Variants in NUP93 observed in about 807,000 individuals in gnomAD.
The protein encoded by NUP93 is nucleoporin 93, also known as nuclear pore complex protein Nup93.
NUP93 carries 55 observed loss-of-function variants against 107.8 expected under a neutral mutation model. The observed-to-expected ratio is 0.51, with a 90% CI of 0.41 to 0.64. NUP93 has a LOEUF of 0.64. Ranked by LOEUF, NUP93 falls within the 30% of genes least tolerant of loss-of-function variation. The pLI is 0.00. For synonymous variants in NUP93, 390 were observed against 397.5 expected (o/e 0.98, Z 0.22); for missense variants, 937 against 1,044.7 (o/e 0.90, Z 1.42).
intron 3 of NUP93, among the ~76,000 whole-genome samples, chr16:56,786,879 T>C (rs753130646): frequency 3.3e-5 from 5 of 152,232 alleles, no homozygotes; most frequent in Non-Finnish European, 7.3e-5. Flanking sequence ...AGGTTTTAGC[T>C]CGCTGTCAGT....
chr16:56,755,483 A>T (rs1962001993), intron 2 of NUP93, among the ~76,000 whole-genome samples: 1 of 150,786 alleles, frequency 6.6e-6, no homozygotes, highest in Admixed American at 6.6e-5. Context: ...GGAAATGGGG[A>T]ATCACCACCT....
chr16:56,781,846 G>C, intron 3 of NUP93: 2 of 985,266 alleles, frequency 2.0e-6, no homozygotes, highest in South Asian at 9.4e-5. Context: ...CCATCAGTTT[G>C]TGCTTTCAAA....
chr16:56,830,737 G>T (rs367822016), intron 10 of NUP93, 52 bp downstream of exon 10: 2 of 1,416,518 alleles, frequency 1.4e-6, no homozygotes, highest in Non-Finnish European at 1.9e-6. Flanking sequence ...AATCAAAGGG[G>T]CATCCTTCAC....
intron 5 of NUP93, among the ~76,000 whole-genome samples, chr16:56,811,777 T>C (rs1963320968): frequency 6.6e-6 from 1 of 152,164 alleles, no homozygotes; most frequent in African/African-American, 2.4e-5. Flanking sequence ...GGCCATGAAA[T>C]GTCTTCCTTA....
intron 1 of NUP93, among the ~76,000 whole-genome samples, chr16:56,745,775 ATGT>A (rs1330189480): frequency 8.5e-5 from 13 of 152,192 alleles, no homozygotes; most frequent in African/African-American, 2.9e-4. Flanking sequence ...TACGTTTAGG[ATGT>A]TGTTCAGAGA....
chr16:56,744,044 C>G (rs1961781745), intron 1 of NUP93, among the ~76,000 whole-genome samples: 1 of 152,196 alleles, frequency 6.6e-6, no homozygotes, highest in Admixed American at 6.5e-5. Context: ...GCTGTCCCTG[C>G]TGGCCTTTTC....
chr16:56,843,668 A>T (rs570859755), intron 21 of NUP93, among the ~76,000 whole-genome samples: 2 of 152,356 alleles, frequency 1.3e-5, no homozygotes, highest in East Asian at 3.9e-4. Flanking sequence ...TCACATCACA[A>T]AGTCAGATTT....
chr16:56,787,219 T>C (rs993963154), intron 3 of NUP93, among the ~76,000 whole-genome samples: 4 of 143,018 alleles, frequency 2.8e-5, no homozygotes, highest in Non-Finnish European at 6.1e-5. Context: ...AATGTTTGAA[T>C]AAGAAGAAAC....
chr16:56,816,411 TTGA>T (rs1301653054), intron 5 of NUP93, among the ~76,000 whole-genome samples: 4 of 152,322 alleles, frequency 2.6e-5, no homozygotes, highest in African/African-American at 7.2e-5. Context: ...GTGGAGAGTG[TTGA>T]TGTTAATCCA....
At chr16:56,832,271 C>T in intron 11 of NUP93, 24 bp from the exon 12 acceptor site, 1 of 1,592,868 alleles carries the variant, frequency 6.3e-7, no homozygotes, top group Non-Finnish European at 8.6e-7. Flanking sequence ...TGTACCAATG[C>T]ATGTGTTTCT....
At chr16:56,752,498 A>G (rs1371801237) in intron 2 of NUP93, among the ~76,000 whole-genome samples, 1 of 152,178 alleles carries the variant, frequency 6.6e-6, no homozygotes, top group African/African-American at 2.4e-5. Flanking sequence ...TTAGTACTCT[A>G]TCATTTGTAT....
intron 1 of NUP93, among the ~76,000 whole-genome samples, chr16:56,741,605 C>T (rs7203408): frequency 0.88 from 133,820 of 152,228 alleles, 59,136 homozygotes; most frequent in East Asian, 1. Flanking sequence ...TTTAAAATAT[C>T]GAAAATAATC....
rs758813934 is a variant in NUP93, at chr16:56,841,853, G to A, written c.2349+20G>A. The A allele has an allele frequency of 1.1e-5, 17 of 1,612,924 alleles. No homozygotes were observed. Among genetic ancestry groups the A allele is most frequent in the South Asian group, 4.4e-5 (4 of 90,912 alleles). On this transcript the variant is annotated intron_variant, in intron 21 of 21. Coordinates refer to ENST00000308159, the MANE Select transcript of NUP93 (RefSeq NM_014669.5). The stretch of plus-strand genomic sequence containing the variant: ...GACTCTGTAAGATCCCAGCATTCGC[G>A]AGAAACATTGCTAAGCACCACCTTT...
intron 3 of NUP93, among the ~76,000 whole-genome samples, chr16:56,778,027 G>A (rs1416201069): frequency 6.6e-6 from 1 of 152,172 alleles, no homozygotes; most frequent in African/African-American, 2.4e-5. Flanking sequence ...CTGCCCTCTG[G>A]AAGTTTGTCT....
At chr16:56,786,688 C>T (rs1284353872) in intron 3 of NUP93, among the ~76,000 whole-genome samples, 2 of 152,126 alleles carry the variant, frequency 1.3e-5, no homozygotes, top group Non-Finnish European at 2.9e-5. Context: ...GTTGGCTCGG[C>T]ATGAACGGTG....
intron 1 of NUP93, among the ~76,000 whole-genome samples, chr16:56,739,625 C>T (rs201284816): frequency 9.4e-6 from 1 of 106,290 alleles, no homozygotes; most frequent in African/African-American, 4.2e-5. Context: ...GGCGGGGGGC[C>T]GACATCCCCA....
At chr16:56,823,892 AG>A in intron 8 of NUP93, 46 bp downstream of exon 8, 4 of 1,597,772 alleles carry the variant, frequency 2.5e-6, no homozygotes, top group Non-Finnish European at 3.4e-6. Context: ...CATCCTTTGC[AG>A]TCAACTGTTT....
At chr16:56,801,729 A>G (rs1339747635) in intron 4 of NUP93, among the ~76,000 whole-genome samples, 1 of 152,184 alleles carries the variant, frequency 6.6e-6, no homozygotes, top group Non-Finnish European at 1.5e-5. Flanking sequence ...AGCACTGTTC[A>G]TTCAGGTTGT....
At chr16:56,764,466 G>A (rs1962183325) in intron 3 of NUP93, among the ~76,000 whole-genome samples, 1 of 152,192 alleles carries the variant, frequency 6.6e-6, no homozygotes, top group Admixed American at 6.5e-5. Context: ...CTCCAGCCTG[G>A]CTGACAGAGA....
Sources: allele counts gnomAD v4.1 joint callset (sites outside exome capture counted in the v4.1 genomes callset), GRCh38; gene constraint gnomAD v4.1.1; transcripts MANE v1.5; gene names NCBI Gene and HGNC (gene_info 2026-07-23, HGNC 2026-07-21).